Variants in PTPRK observed in about 807,000 individuals in gnomAD.
PTPRK encodes the protein protein tyrosine phosphatase receptor type K.
Under a neutral mutation model 178.0 loss-of-function variants are expected in PTPRK, and 75 were observed. The ratio of observed to expected loss-of-function variants is 0.42; its 90% confidence interval spans 0.35 to 0.51. The LOEUF is 0.51. PTPRK is among the 20% of genes least tolerant of loss of function. PTPRK has a pLI of 0.02. For synonymous variants in PTPRK, 637 were observed against 620.6 expected, an observed-to-expected ratio of 1.03 and a Z score of -0.39; for missense variants, 1,441 against 1,797.8, an observed-to-expected ratio of 0.80 and a Z score of 3.59.
Position 128,519,876 on chromosome 6 carries a change from T to A in PTPRK, c.100+383A>T, listed in dbSNP as rs980505111. ...GACAATGGCTTCCCAGGGAATTTGT[T>A]TAAACACCCAAGTGGCAGACAGCAA... On this transcript the variant is annotated intron_variant, in intron 1 of 29. Transcript: ENST00000368226. This position sits in a 1 kb window ranked among gnomAD's most constrained non-coding sequence, Gnocchi z 4.3. 6.6e-6 allele frequency among the ~76,000 whole-genome samples: 1 copy of A among 152,072 alleles called. No individual in the cohort carries two copies. Among genetic ancestry groups the A allele is most frequent in the African/African-American group, 2.4e-5 (1 of 41,406 alleles).
Position 128,415,123 on chromosome 6 carries a change from C to T in PTPRK, c.101-17435G>A, listed in dbSNP as rs1039894204. Among the ~76,000 whole-genome samples the T allele has an allele frequency of 1.1e-4, 17 of 152,210 alleles. No homozygotes were observed. In the South Asian group the frequency reaches 1.2e-3, roughly 11 times the overall value. On this transcript the variant is annotated intron_variant, in intron 1 of 29. Coordinates refer to ENST00000368226, the MANE Select transcript of PTPRK (RefSeq NM_002844.4). ...ATGGCAGGGACTCTTCAGAAGCATA[C>T]GGCCTAGACTAGGGAAGTATTACAA... is the stretch of plus-strand genomic sequence containing the variant.
chr6:128,063,826 C>CT (rs1270491022), intron 13 of PTPRK, among the ~76,000 whole-genome samples: 1 of 152,034 alleles, frequency 6.6e-6, no homozygotes, highest in Non-Finnish European at 1.5e-5. Context: ...AGCACAAATG[C>CT]TGATTGAGCA....
At chr6:128,260,183 T>A (rs1856498) in intron 3 of PTPRK, among the ~76,000 whole-genome samples, 11,046 of 149,876 alleles carry the variant, frequency 0.074, 943 homozygotes, top group African/African-American at 0.21. Context: ...TAAAATATAT[T>A]TTTTTTTATT....
chr6:128,403,797 T>C (rs1841332453), intron 1 of PTPRK, among the ~76,000 whole-genome samples: 3 of 152,182 alleles, frequency 2.0e-5, no homozygotes, highest in Non-Finnish European at 2.9e-5. Context: ...ACTCATCATA[T>C]ATACTTTCAA....
At chr6:128,096,469 T>C (rs960109059) in intron 7 of PTPRK, among the ~76,000 whole-genome samples, 2 of 152,168 alleles carry the variant, frequency 1.3e-5, no homozygotes, top group Non-Finnish European at 1.5e-5. Context: ...TTTCTAGTTA[T>C]TCTGAAAGAG....
At chr6:128,301,406 A>G (rs1293298644) in intron 3 of PTPRK, among the ~76,000 whole-genome samples, 1 of 152,086 alleles carries the variant, frequency 6.6e-6, no homozygotes, top group Admixed American at 6.6e-5. Flanking sequence ...TATGTATCAC[A>G]TTGGTGTGTT....
intron 6 of PTPRK, among the ~76,000 whole-genome samples, chr6:128,209,499 C>T (rs967889705): frequency 6.6e-6 from 1 of 152,162 alleles, no homozygotes; most frequent in African/African-American, 2.4e-5. Context: ...TTCCCATCCT[C>T]CTCAGCACAT....
chr6:128,299,285 G>T (rs2128310955), intron 3 of PTPRK, among the ~76,000 whole-genome samples: 1 of 137,406 alleles, frequency 7.3e-6, no homozygotes, highest in Admixed American at 7.5e-5. Flanking sequence ...CATGAAAATG[G>T]CCATACTGCC....
chr6:128,480,602 T>C (rs1584913958), intron 1 of PTPRK, among the ~76,000 whole-genome samples: 1 of 152,262 alleles, frequency 6.6e-6, no homozygotes, highest in Non-Finnish European at 1.5e-5. Flanking sequence ...CAGTTCTGAA[T>C]TGACAGAATA....
chr6:128,050,713 T>G (rs1022621968), intron 13 of PTPRK, among the ~76,000 whole-genome samples: 3 of 152,198 alleles, frequency 2.0e-5, no homozygotes, highest in African/African-American at 7.2e-5. Flanking sequence ...AATTTTTAGT[T>G]TAAGTTTTTA....
At chr6:127,988,921 T>TA (rs1776272825) in intron 21 of PTPRK, among the ~76,000 whole-genome samples, 1 of 152,034 alleles carries the variant, frequency 6.6e-6, no homozygotes, top group South Asian at 2.1e-4. Flanking sequence ...AGAAATCACT[T>TA]ATGAGTATAA....
chr6:128,316,527 A>C (rs1828015853), intron 3 of PTPRK, among the ~76,000 whole-genome samples: 1 of 152,154 alleles, frequency 6.6e-6, no homozygotes, highest in Non-Finnish European at 1.5e-5. Context: ...GATTTACATT[A>C]ATTGTTCTGT....
intron 13 of PTPRK, among the ~76,000 whole-genome samples, chr6:128,019,888 G>A (rs1029199750): frequency 6.6e-6 from 1 of 152,108 alleles, no homozygotes; most frequent in African/African-American, 2.4e-5. Flanking sequence ...AGACACGGAG[G>A]TAGATGGTGT....
chr6:128,367,066 G>A (rs1438286438), intron 2 of PTPRK, among the ~76,000 whole-genome samples: 1 of 152,116 alleles, frequency 6.6e-6, no homozygotes, highest in African/African-American at 2.4e-5. Context: ...CTATATTATA[G>A]TACCTTGGTC....
In PTPRK at chr6:128,491,059, A is replaced by G. The variant is rs140328378; in HGVS notation, c.100+29200T>C. On this transcript the variant is annotated intron_variant, in intron 1 of 29. Coordinates refer to ENST00000368226, the MANE Select transcript of PTPRK (RefSeq NM_002844.4). ...AATTTTGGGGAATACAATTCAGTGC[A>G]TAACAAACAGTATAAAACAATAATA... Among the ~76,000 whole-genome samples the G allele has an allele frequency of 9.1e-4, 139 of 152,376 alleles. 1 individual carries two copies. The highest frequency in any genetic ancestry group is 3.1e-3 in the African/African-American group (129 of 41,592).
intron 7 of PTPRK, among the ~76,000 whole-genome samples, chr6:128,107,187 A>G (rs1047928645): frequency 3.3e-5 from 5 of 151,972 alleles, no homozygotes; most frequent in Non-Finnish European, 7.4e-5. Context: ...TTTATCTCAT[A>G]TAGTATTATA....
intron 1 of PTPRK, among the ~76,000 whole-genome samples, chr6:128,451,310 C>A (rs967727983): frequency 2.6e-5 from 4 of 152,136 alleles, no homozygotes; most frequent in Admixed American, 6.6e-5. Context: ...CTACAAAAAA[C>A]ACCAATCTAT....
chr6:128,041,992 T>G (rs1449524869), intron 13 of PTPRK, among the ~76,000 whole-genome samples: 1 of 151,950 alleles, frequency 6.6e-6, no homozygotes, highest in Non-Finnish European at 1.5e-5. Context: ...ACTTATAAAT[T>G]TGGCTTTCCC....
Position 128,520,575 on chromosome 6 carries a change from C to T in PTPRK, c.-217G>A. On this transcript the variant is annotated 5_prime_UTR_variant, in exon 1 of 30. Coordinates refer to ENST00000368226, the MANE Select transcript of PTPRK (RefSeq NM_002844.4). ...CCGGCCGCGGCGGCAGCTCTCCATG[C>T]TCGGCGGAGGCTGCTCCTGTTAGTC... The T allele has an allele frequency of 1.8e-6, 1 of 554,898 alleles. No homozygotes were observed. The highest frequency in any genetic ancestry group is 3.3e-6 in the Non-Finnish European group (1 of 307,220). The allele number at this position is 554,898 out of a possible 1,614,324, so 34.4% of individuals were successfully genotyped here.
Sources: allele counts gnomAD v4.1 joint callset (sites outside exome capture counted in the v4.1 genomes callset), GRCh38; gene constraint gnomAD v4.1.1; non-coding constraint Gnocchi (gnomAD v3.1); transcripts MANE v1.5; gene names NCBI Gene and HGNC (gene_info 2026-07-23, HGNC 2026-07-21).